Variants in GLCE observed in about 807,000 individuals in gnomAD.
GLCE encodes the protein glucuronic acid epimerase, also known as D-glucuronyl C5-epimerase.
Under a neutral mutation model 47.9 loss-of-function variants are expected in GLCE, and 19 were observed. The observed-to-expected ratio is 0.40, with a 90% CI of 0.28 to 0.58. The LOEUF (loss-of-function observed/expected upper bound fraction) is 0.58, where lower values mean the gene tolerates loss of function less well. Among genes scored for constraint, GLCE ranks in the 20% least tolerant of loss-of-function variants. The probability of loss-of-function intolerance (pLI) is 0.48; values close to 1 mark genes in which losing one functional copy is unlikely to be tolerated. For missense variants in GLCE, 556 were observed against 743.3 expected (o/e 0.75, Z 2.93); for synonymous variants, 245 against 263.4 (o/e 0.93, Z 0.68).
chr15:69,266,966 G>A (rs543761694), intron 4 of GLCE, among the ~76,000 whole-genome samples: 4 of 152,266 alleles, frequency 2.6e-5, no homozygotes, highest in African/African-American at 9.6e-5. Flanking sequence ...ATGTGAATGC[G>A]TTTTGGACAT....
Position 69,269,299 on chromosome 15 carries a change from C to G in GLCE, c.*55C>G. The G allele has an allele frequency of 2.1e-6, 3 of 1,415,878 alleles. No individual in the cohort carries two copies. Among genetic ancestry groups the G allele is most frequent in the Non-Finnish European group, 3.0e-6 (3 of 1,013,514 alleles). The allele number at this position is 1,415,878 out of a possible 1,614,324, so 87.7% of individuals were successfully genotyped here. A position where few individuals can be genotyped will look rare whatever the true frequency, so the allele number is the denominator to read the frequency against. On this transcript the variant is annotated 3_prime_UTR_variant, in exon 5 of 5. Coordinates refer to ENST00000261858, the MANE Select transcript of GLCE (RefSeq NM_015554.3). The stretch of plus-strand genomic sequence containing the variant: ...CTGCTGTACACAGAAACTACAGGCT[C>G]TGTCTCAGGAGAGCATAGGCACATT...
intron 1 of GLCE, among the ~76,000 whole-genome samples, chr15:69,186,599 T>C (rs187483547): frequency 6.6e-6 from 1 of 152,344 alleles, no homozygotes; most frequent in Admixed American, 6.5e-5. Flanking sequence ...GATCTTAGTT[T>C]CTGAGTATCT....
intron 4 of GLCE, among the ~76,000 whole-genome samples, chr15:69,261,588 G>A (rs560378551): frequency 4.8e-4 from 73 of 152,288 alleles, no homozygotes; most frequent in African/African-American, 1.7e-3. Flanking sequence ...TGCACAATGT[G>A]TACCTGCCTC....
intron 1 of GLCE, among the ~76,000 whole-genome samples, chr15:69,166,960 G>A (rs1190538138): frequency 7.1e-6 from 1 of 140,682 alleles, no homozygotes; most frequent in Non-Finnish European, 1.5e-5. Flanking sequence ...TCACACTTGT[G>A]ATCCCAGCAC....
intron 1 of GLCE, among the ~76,000 whole-genome samples, chr15:69,198,556 G>A (rs915387198): frequency 2.3e-4 from 35 of 152,048 alleles, no homozygotes; most frequent in African/African-American, 6.3e-4. Flanking sequence ...CCTTGGACCC[G>A]TGCCAAAGGG....
intron 1 of GLCE, among the ~76,000 whole-genome samples, chr15:69,175,605 T>C (rs2051651018): frequency 6.6e-6 from 1 of 152,250 alleles, no homozygotes; most frequent in Admixed American, 6.5e-5. Context: ...CTTCATTTTC[T>C]ATATTCTTCA....
chr15:69,238,846 G>A (rs1013850277), intron 2 of GLCE, among the ~76,000 whole-genome samples: 2 of 152,088 alleles, frequency 1.3e-5, no homozygotes, highest in African/African-American at 2.4e-5. Context: ...CATTGATAGA[G>A]GGAAATATAT....
At position 69,268,484 on chromosome 15, in the gene GLCE, C is replaced by G; in HGVS notation, c.1094C>G (p.Ser365Ter). 6.2e-7 allele frequency: 1 copy of G among 1,614,164 alleles called. No individual in the cohort carries two copies. Among genetic ancestry groups the G allele is most frequent in the Non-Finnish European group, 8.5e-7 (1 of 1,180,016 alleles). ...GACCTCAGGAAAGGAGTGGGTCTTTCAAACACAAAAGCTGTCAAGCCAACC... is the reference window on the plus strand; with the variant it reads ...GACCTCAGGAAAGGAGTGGGTCTTTGAAACACAAAAGCTGTCAAGCCAACC... ...VTDLRKGVGL[S>*]NTKAVKPTKI... Residue 365 changes from serine to a stop codon, truncating the protein, a stop_gained, in exon 5 of 5, where the codon TCA (serine) becomes TGA (stop). Coordinates refer to ENST00000261858, the MANE Select transcript of GLCE (RefSeq NM_015554.3). LOFTEE classifies it high-confidence loss of function.
At chr15:69,164,979 T>C (rs2051481336) in intron 1 of GLCE, among the ~76,000 whole-genome samples, 1 of 152,234 alleles carries the variant, frequency 6.6e-6, no homozygotes, top group Non-Finnish European at 1.5e-5. Flanking sequence ...GTGATTTTTC[T>C]GAAGTGCAAA....
chr15:69,205,026 A>G (rs2052131083), intron 1 of GLCE, among the ~76,000 whole-genome samples: 1 of 152,132 alleles, frequency 6.6e-6, no homozygotes. Context: ...ATGAACATGC[A>G]GTAAAACTGA....
At chr15:69,169,115 T>C (rs2051547382) in intron 1 of GLCE, among the ~76,000 whole-genome samples, 1 of 152,244 alleles carries the variant, frequency 6.6e-6, no homozygotes, top group African/African-American at 2.4e-5. Flanking sequence ...CTTTTATGTC[T>C]AATTTCCTGT....
chr15:69,173,312 T>G (rs771631582), intron 1 of GLCE, among the ~76,000 whole-genome samples: 3 of 152,206 alleles, frequency 2.0e-5, no homozygotes, highest in Non-Finnish European at 4.4e-5. Context: ...TGAGGTTGTT[T>G]AGCATGGAAG....
chr15:69,255,972 G>A lies in GLCE; in HGVS notation c.166G>A (p.Ala56Thr), dbSNP rs1422993138. The change falls in exon 3 of 5, where the codon GCA becomes ACA. Residue 56 changes from alanine to threonine, a missense_variant. This residue lies in a region of GLCE where 237 missense variants were observed against 310.9 expected (regional missense o/e 0.76). Transcript: ENST00000261858. Reference protein sequence around the residue: ...GFRVDGFEKRAAASESNNYMN... With the variant: ...GFRVDGFEKRTAASESNNYMN... Reference sequence around the variant, plus strand: ...CAGAGTGGATGGGTTTGAAAAAAGAGCAGCAGCATCTGAGAGTAACAACTA... The same window carrying A: ...CAGAGTGGATGGGTTTGAAAAAAGAACAGCAGCATCTGAGAGTAACAACTA... 2 of 1,613,916 alleles carry A rather than the reference G, an allele frequency of 1.2e-6. No homozygotes were observed. The highest frequency in any genetic ancestry group is 1.7e-6 in the Non-Finnish European group (2 of 1,179,996).
At chr15:69,205,046 TG>T (rs1201993485) in intron 1 of GLCE, among the ~76,000 whole-genome samples, 1 of 152,110 alleles carries the variant, frequency 6.6e-6, no homozygotes, top group Non-Finnish European at 1.5e-5. Flanking sequence ...ACTTTTCCTA[TG>T]TATAGTTGAT....
At chr15:69,223,675 TCTC>T (rs113267326) in intron 2 of GLCE, among the ~76,000 whole-genome samples, 2 of 152,156 alleles carry the variant, frequency 1.3e-5, no homozygotes, top group South Asian at 2.1e-4. Flanking sequence ...CTTTCTCTTT[TCTC>T]CTCCTTTCAA....
chr15:69,185,944 CAATT>C (rs1191902051), intron 1 of GLCE, among the ~76,000 whole-genome samples: 1 of 152,032 alleles, frequency 6.6e-6, no homozygotes, highest in Non-Finnish European at 1.5e-5. Flanking sequence ...TCTTTGGGCT[CAATT>C]AATTTGCTGG....
intron 2 of GLCE, among the ~76,000 whole-genome samples, chr15:69,248,894 G>A (rs568554817): frequency 3.0e-4 from 45 of 152,262 alleles, no homozygotes; most frequent in Admixed American, 9.8e-4. Flanking sequence ...CATGAGCCAA[G>A]CTAGGTGCAT....
intron 2 of GLCE, among the ~76,000 whole-genome samples, chr15:69,210,977 A>G (rs562822509): frequency 7.6e-4 from 115 of 152,254 alleles, no homozygotes; most frequent in African/African-American, 2.7e-3. Flanking sequence ...TTATTCTGCT[A>G]TGTAATTATA....
chr15:69,208,935 A>G (rs2052188459), intron 1 of GLCE, among the ~76,000 whole-genome samples: 1 of 152,076 alleles, frequency 6.6e-6, no homozygotes, highest in African/African-American at 2.4e-5. Context: ...TTGTTAATGT[A>G]CAGAAATGTG....
Sources: gnomAD v4.1 joint callset for allele counts (sites outside exome capture counted in the v4.1 genomes callset) on GRCh38, gnomAD v4.1.1 for gene constraint, gnomAD v4.1.1 regional missense constraint, MANE v1.5 for transcripts, NCBI Gene and HGNC (gene_info 2026-07-23, HGNC 2026-07-21) for gene names.